FOXN2: variants seen among roughly 807,000 people sequenced by gnomAD.
FOXN2 encodes the protein forkhead box N2.
In FOXN2, 19 loss-of-function variants were observed where a neutral mutation model predicts 41.2. That is an observed-to-expected ratio of 0.46 (90% CI 0.32 to 0.68). The LOEUF (loss-of-function observed/expected upper bound fraction) is 0.68, where lower values mean the gene tolerates loss of function less well. Among genes scored for constraint, FOXN2 ranks in the 30% least tolerant of loss-of-function variants. The probability of loss-of-function intolerance (pLI) is 0.03; values close to 1 mark genes in which losing one functional copy is unlikely to be tolerated. For synonymous variants in FOXN2, 195 were observed against 176.8 expected (o/e 1.10, Z -0.82); for missense variants, 587 against 509.4 (o/e 1.15, Z -1.47).
In FOXN2 at chr2:48,375,537, G is replaced by T. The variant is rs1399134745; in HGVS notation, c.*94G>T. The T allele has an allele frequency of 1.7e-5, 21 of 1,216,754 alleles. 1 individual carries two copies. The highest frequency in any genetic ancestry group is 2.9e-4 in the Middle Eastern group (1 of 3,468). 75.4% of individuals were successfully genotyped at this position (1,216,754 alleles called of 1,614,324 possible). A position where few individuals can be genotyped will look rare whatever the true frequency, so the allele number is the denominator to read the frequency against. On this transcript the variant is annotated 3_prime_UTR_variant, in exon 7 of 7. Transcript: ENST00000340553. ...TTCATTAGTTTTAGGGTAGGGAAGG[G>T]ATACTAATTACTTATTTCTTTCAAA...
rs1673305124 is a variant in FOXN2, at chr2:48,377,134, T to G, written c.*1691T>G. ...ATTTAATTTAACCTGGATAGCCACATTAATGAATTGGTGCTGTCAAAATAT... is the reference window on the plus strand; with the variant it reads ...ATTTAATTTAACCTGGATAGCCACAGTAATGAATTGGTGCTGTCAAAATAT... On this transcript the variant is annotated 3_prime_UTR_variant, in exon 7 of 7. Transcript: ENST00000340553. 6.6e-6 allele frequency: 1 copy of G among 152,048 alleles called. No individual in the cohort carries two copies. The highest frequency in any genetic ancestry group is 1.9e-4 in the East Asian group (1 of 5,204). 9.4% of individuals were successfully genotyped at this position (152,048 alleles called of 1,614,324 possible). A position where few individuals can be genotyped will look rare whatever the true frequency, so the allele number is the denominator to read the frequency against.
chr2:48,338,512 C>T (rs955360376), intron 2 of FOXN2, among the ~76,000 whole-genome samples: 3 of 152,090 alleles, frequency 2.0e-5, no homozygotes, highest in Admixed American at 6.5e-5. Context: ...CGCCATTCTC[C>T]TGCCTCAGCC....
chr2:48,362,242 A>G (rs1276129972), intron 4 of FOXN2, among the ~76,000 whole-genome samples: 1 of 152,220 alleles, frequency 6.6e-6, no homozygotes, highest in African/African-American at 2.4e-5. Flanking sequence ...TGGTGGTACA[A>G]ATTAGCTGTA....
chr2:48,339,062 A>G (rs1419587376), intron 2 of FOXN2, among the ~76,000 whole-genome samples: 5 of 152,208 alleles, frequency 3.3e-5, no homozygotes, highest in South Asian at 2.1e-4. Context: ...TCCAAATGGC[A>G]TATGTATAGA....
chr2:48,330,053 GA>G (rs200912056), intron 2 of FOXN2, among the ~76,000 whole-genome samples: 70 of 147,914 alleles, frequency 4.7e-4, no homozygotes, highest in Middle Eastern at 3.2e-3. Flanking sequence ...TAATTACCAA[GA>G]AAAAAAAATA....
At chr2:48,367,425 G>A (rs1173973196) in intron 5 of FOXN2, among the ~76,000 whole-genome samples, 1 of 152,092 alleles carries the variant, frequency 6.6e-6, no homozygotes, top group East Asian at 1.9e-4. Flanking sequence ...GTGATGTTAG[G>A]GCTACATGTA....
At chr2:48,340,765 A>T (rs1272357568) in intron 2 of FOXN2, 6 of 152,212 alleles carry the variant, frequency 3.9e-5, no homozygotes, top group Non-Finnish European at 8.8e-5. Context: ...AAAAGTTTCC[A>T]ATTAGCAATA....
chr2:48,319,640 G>A (rs1669159012), intron 1 of FOXN2, among the ~76,000 whole-genome samples: 1 of 148,310 alleles, frequency 6.7e-6, no homozygotes, highest in Non-Finnish European at 1.5e-5. Context: ...TTGAGACAGG[G>A]TCACACTCAA....
chr2:48,352,628 TCA>T (rs1671520099), intron 3 of FOXN2, among the ~76,000 whole-genome samples: 1 of 152,162 alleles, frequency 6.6e-6, no homozygotes, highest in Admixed American at 6.5e-5. Context: ...TATCTCAAAT[TCA>T]GTGTGTCCGA....
chr2:48,344,072 G>A (rs185354834), intron 2 of FOXN2, among the ~76,000 whole-genome samples: 23 of 152,060 alleles, frequency 1.5e-4, no homozygotes, highest in Admixed American at 1.3e-3. Context: ...TGTTTTTTAA[G>A]GAAGCAAGAC....
chr2:48,347,330 G>A (rs964629957), intron 3 of FOXN2, among the ~76,000 whole-genome samples: 7 of 148,780 alleles, frequency 4.7e-5, no homozygotes, highest in East Asian at 4.0e-4. Flanking sequence ...GGGTTCCAGC[G>A]ATTCTTAATG....
intron 4 of FOXN2, among the ~76,000 whole-genome samples, chr2:48,360,838 C>A (rs1558635501): frequency 6.9e-6 from 1 of 145,572 alleles, no homozygotes; most frequent in Admixed American, 6.9e-5. Context: ...CATGGAGAAA[C>A]CCTGTCTCTA....
intron 5 of FOXN2, among the ~76,000 whole-genome samples, chr2:48,363,603 C>T (rs1489445725): frequency 6.6e-6 from 1 of 152,152 alleles, no homozygotes; most frequent in African/African-American, 2.4e-5. Flanking sequence ...GGTAAGTACC[C>T]TATACAGGTG....
intron 1 of FOXN2, among the ~76,000 whole-genome samples, chr2:48,317,595 CTTTTTTTTTT>C (rs574980247): frequency 2.6e-4 from 9 of 34,744 alleles, no homozygotes; most frequent in East Asian, 2.0e-3. Flanking sequence ...TATAGTATTG[CTTTTTTTTTT>C]TTTTTTTTTT....
chr2:48,373,230 A>C (rs1293102827), intron 5 of FOXN2, 62 bp from the exon 6 acceptor site: 1 of 1,209,550 alleles, frequency 8.3e-7, no homozygotes, highest in African/African-American at 1.5e-5. Flanking sequence ...GGGGCATGCA[A>C]ATACTTAGAA....
intron 5 of FOXN2, among the ~76,000 whole-genome samples, chr2:48,363,264 T>G (rs968679785): frequency 2.6e-5 from 4 of 152,114 alleles, no homozygotes; most frequent in African/African-American, 7.2e-5. Context: ...CTAAAAAGTT[T>G]AAAAAAAGTT....
At chr2:48,327,363 T>C (rs181008494) in intron 1 of FOXN2, among the ~76,000 whole-genome samples, 2 of 152,118 alleles carry the variant, frequency 1.3e-5, no homozygotes, top group Non-Finnish European at 2.9e-5. Flanking sequence ...TGATATGGCT[T>C]ATTAGAATTT....
At chr2:48,337,390 C>T (rs1343402329) in intron 2 of FOXN2, among the ~76,000 whole-genome samples, 2 of 151,632 alleles carry the variant, frequency 1.3e-5, no homozygotes, top group African/African-American at 4.9e-5. Flanking sequence ...CTCCACTTCC[C>T]GGGTTCAAGC....
At chr2:48,336,316 G>A (rs940314373) in intron 2 of FOXN2, among the ~76,000 whole-genome samples, 4 of 151,226 alleles carry the variant, frequency 2.6e-5, no homozygotes, top group African/African-American at 9.7e-5. Context: ...GCCGAGGCAG[G>A]AGAATCGCTT....
Sources: gnomAD v4.1 joint callset for allele counts (sites outside exome capture counted in the v4.1 genomes callset) on GRCh38, gnomAD v4.1.1 for gene constraint, MANE v1.5 for transcripts, NCBI Gene and HGNC (gene_info 2026-07-23, HGNC 2026-07-21) for gene names.